Variants in SLC18B1 observed in about 807,000 individuals in gnomAD.
SLC18B1 encodes the protein MFS-type transporter SLC18B1.
SLC18B1 carries 62 observed loss-of-function variants against 53.9 expected under a neutral mutation model. That is an observed-to-expected ratio of 1.15 (90% CI 0.94 to 1.42). SLC18B1 has a LOEUF of 1.42. SLC18B1 is among the 40% of genes most tolerant of loss of function. SLC18B1 has a pLI of 0.00. For synonymous variants in SLC18B1, 217 were observed against 200.9 expected (o/e 1.08, Z -0.68); for missense variants, 598 against 547.3 (o/e 1.09, Z -0.93).
rs148914949 is a variant in SLC18B1, at chr6:132,782,162, G to A, written c.658+1771C>T. 7.5e-3 allele frequency among the ~76,000 whole-genome samples: 1,131 copies of A among 150,910 alleles called. 8 individuals carry two copies. The highest frequency in any genetic ancestry group is 0.019 in the South Asian group (92 of 4,746). On this transcript the variant is annotated intron_variant, in intron 6 of 13. Transcript: ENST00000275227. ...AAGATCACACCACTGCACTCCAGCC[G>A]GGGTGACAGAGTGAGACTCTGTTTC...
intron 4 of SLC18B1, 120 bp downstream of exon 4, chr6:132,789,644 T>G: frequency 1.4e-6 from 1 of 728,268 alleles, no homozygotes; most frequent in Non-Finnish European, 2.4e-6. Flanking sequence ...ATTAGTCACA[T>G]GCTATGCATT....
chr6:132,778,095 G>A (rs947112671), intron 7 of SLC18B1, among the ~76,000 whole-genome samples: 2 of 152,174 alleles, frequency 1.3e-5, no homozygotes, highest in Admixed American at 6.5e-5. Flanking sequence ...GGGCAGGGGC[G>A]AGGGACACAA....
chr6:132,782,777 ATT>A (rs397886990), intron 6 of SLC18B1, among the ~76,000 whole-genome samples: 2 of 144,526 alleles, frequency 1.4e-5, no homozygotes. Flanking sequence ...AATAATAACA[ATT>A]TTTTTTTTTT....
Position 132,787,580 on chromosome 6 carries a change from C to A in SLC18B1, c.355G>T (p.Val119Leu). ...VSGGVTILFGVLDRVPDGPVF... is the reference protein window; with the variant it reads ...VSGGVTILFGLLDRVPDGPVF... ...GGCCCATCTGGAACTCGGTCCAATA[C>A]ACTAAAAAGGAATAAGACAATTCTG... Residue 119 changes from valine to leucine, a missense_variant and splice_region_variant, in exon 5 of 14, where the codon GTA (valine) becomes TTA (leucine). Val to Leu is a conservative substitution (Grantham distance 32). Coordinates refer to ENST00000275227, the MANE Select transcript of SLC18B1 (RefSeq NM_052831.3). 1 of 1,563,470 alleles carries A rather than the reference C, an allele frequency of 6.4e-7. No homozygotes were observed. The highest frequency in any genetic ancestry group is 2.1e-5 in the Admixed American group (1 of 47,758).
chr6:132,796,039 C>T (rs118170014), intron 2 of SLC18B1, among the ~76,000 whole-genome samples: 6,969 of 152,186 alleles, frequency 0.046, 217 homozygotes, highest in Non-Finnish European at 0.071. Flanking sequence ...ATGGCAAAAA[C>T]CTGTCTCTAC....
intron 9 of SLC18B1, among the ~76,000 whole-genome samples, chr6:132,773,551 G>T (rs573603496): frequency 6.6e-6 from 1 of 152,298 alleles, no homozygotes; most frequent in African/African-American, 2.4e-5. Flanking sequence ...CTTAATATAT[G>T]TTACCAGATT....
chr6:132,790,149 A>T, intron 3 of SLC18B1, 28 bp downstream of exon 3: 1 of 1,465,504 alleles, frequency 6.8e-7, no homozygotes. Context: ...TTTAAAAATT[A>T]AGATGTGCAT....
At chr6:132,772,931 A>C (rs908030342) in intron 10 of SLC18B1, 62 bp downstream of exon 10, 47 of 1,206,530 alleles carry the variant, frequency 3.9e-5, no homozygotes, top group East Asian at 2.8e-4. Flanking sequence ...GAAATTCAAG[A>C]AAGCCTGTGA....
intron 6 of SLC18B1, among the ~76,000 whole-genome samples, chr6:132,782,674 A>G (rs184891839): frequency 9.8e-5 from 15 of 152,336 alleles, no homozygotes; most frequent in Middle Eastern, 3.4e-3. Flanking sequence ...TGGTAAAGAA[A>G]TGGGTAGAAC....
intron 4 of SLC18B1, 118 bp from the exon 5 acceptor site, chr6:132,787,699 CT>C: frequency 2.4e-6 from 2 of 826,812 alleles, no homozygotes; most frequent in Non-Finnish European, 1.7e-6. Context: ...GAATAAACCG[CT>C]TTAGAATATG....
At chr6:132,793,887 T>G (rs192222336) in intron 2 of SLC18B1, among the ~76,000 whole-genome samples, 1 of 152,316 alleles carries the variant, frequency 6.6e-6, no homozygotes, top group East Asian at 1.9e-4. Flanking sequence ...GACTTTTTTC[T>G]TTGGTCATCA....
chr6:132,783,265 C>T (rs533689932), intron 6 of SLC18B1, among the ~76,000 whole-genome samples: 8 of 152,214 alleles, frequency 5.3e-5, no homozygotes, highest in African/African-American at 1.9e-4. Flanking sequence ...CAACCTCCAC[C>T]TCCTGGGTTC....
At chr6:132,776,596 T>A (rs527674219) in intron 7 of SLC18B1, among the ~76,000 whole-genome samples, 167 bp from the exon 8 acceptor site, 1 of 152,342 alleles carries the variant, frequency 6.6e-6, no homozygotes, top group South Asian at 2.1e-4. Context: ...ACTTTTTCTC[T>A]CTATGGGAGG....
chr6:132,792,990 G>T (rs923164529), intron 2 of SLC18B1, among the ~76,000 whole-genome samples: 2 of 152,114 alleles, frequency 1.3e-5, no homozygotes, highest in African/African-American at 2.4e-5. Flanking sequence ...GTGTGGTGAT[G>T]CGCGCCTGTA....
intron 2 of SLC18B1, 129 bp from the exon 3 acceptor site, chr6:132,790,401 C>A: frequency 1.8e-6 from 1 of 563,420 alleles, no homozygotes; most frequent in Non-Finnish European, 2.9e-6. Flanking sequence ...AAAGATTATT[C>A]TTTTAAAATA....
chr6:132,777,242 A>G (rs1562263757), intron 7 of SLC18B1, among the ~76,000 whole-genome samples: 1 of 152,144 alleles, frequency 6.6e-6, no homozygotes, highest in Non-Finnish European at 1.5e-5. Context: ...CTCTGTCTCA[A>G]AAGCAAAAAA....
intron 7 of SLC18B1, 70 bp from the exon 8 acceptor site, chr6:132,776,499 C>T: frequency 8.9e-7 from 1 of 1,120,056 alleles, no homozygotes; most frequent in African/African-American, 1.7e-5. Context: ...TCTTTTCCCT[C>T]TACCATTTCT....
intron 13 of SLC18B1, among the ~76,000 whole-genome samples, chr6:132,770,642 A>G (rs1780945928): frequency 6.6e-6 from 1 of 152,162 alleles, no homozygotes; most frequent in Non-Finnish European, 1.5e-5. Context: ...AGGCTGAGGC[A>G]GGAAAACCGC....
Position 132,776,309 on chromosome 6 carries a change from A to G in SLC18B1, c.897+19T>C, listed in dbSNP as rs1231315071. The G allele has an allele frequency of 2.5e-6, 4 of 1,582,182 alleles. No homozygotes were observed. Among genetic ancestry groups the G allele is most frequent in the African/African-American group, 2.7e-5 (2 of 74,162 alleles). ...CTAAACATACAAAAGTGACTCAAAT[A>G]TAAATTAAGTGTACGTACTGGCCTT... On this transcript the variant is annotated intron_variant, in intron 8 of 13. Coordinates refer to ENST00000275227, the MANE Select transcript of SLC18B1 (RefSeq NM_052831.3).
Sources: gnomAD v4.1 joint callset for allele counts (sites outside exome capture counted in the v4.1 genomes callset) on GRCh38, gnomAD v4.1.1 for gene constraint, MANE v1.5 for transcripts, NCBI Gene and HGNC (gene_info 2026-07-23, HGNC 2026-07-21) for gene names.